Variants in PCDHGA3 observed in about 807,000 individuals in gnomAD.
The protein encoded by PCDHGA3 is protocadherin gamma subfamily A, 3.
In PCDHGA3, 40 loss-of-function variants were observed where a neutral mutation model predicts 58.5. The ratio of observed to expected loss-of-function variants is 0.68; its 90% CI spans 0.53 to 0.89. The LOEUF is 0.89. Ranked by LOEUF, PCDHGA3 falls within the 40% of genes least tolerant of loss-of-function variation. The probability of loss-of-function intolerance (pLI) is 0.00; values close to 1 mark genes in which losing one functional copy is unlikely to be tolerated. For synonymous variants in PCDHGA3, 530 were observed against 525.7 expected, an observed-to-expected ratio of 1.01 and a Z score of -0.11; for missense variants, 1,223 against 1,195.9, an observed-to-expected ratio of 1.02 and a Z score of -0.33.
intron 1 of PCDHGA3, chr5:141,371,743 C>G: frequency 6.2e-7 from 1 of 1,614,054 alleles, no homozygotes; most frequent in South Asian, 1.1e-5. Flanking sequence ...GACAACGTTC[C>G]CGTTTTCCAC....
chr5:141,454,625 C>G (rs1193628253), intron 1 of PCDHGA3, among the ~76,000 whole-genome samples: 1 of 151,512 alleles, frequency 6.6e-6, no homozygotes, highest in Admixed American at 6.6e-5. Context: ...AGGCTGGTCT[C>G]GAACCCCCAA....
intron 1 of PCDHGA3, chr5:141,419,566 C>G: frequency 3.1e-6 from 5 of 1,611,792 alleles, no homozygotes; most frequent in Non-Finnish European, 2.5e-6. Context: ...CGCTGGGTCC[C>G]GACGGCTCCG....
At chr5:141,503,241 A>G (rs1399557839) in intron 2 of PCDHGA3, among the ~76,000 whole-genome samples, 1 of 152,074 alleles carries the variant, frequency 6.6e-6, no homozygotes, top group Non-Finnish European at 1.5e-5. Context: ...GACAGTTTCT[A>G]TCATACTCAC....
At chr5:141,394,434 C>T in intron 1 of PCDHGA3, 1 of 1,614,248 alleles carries the variant, frequency 6.2e-7, no homozygotes, top group South Asian at 1.1e-5. Context: ...CGGGGACCCG[C>T]CCCTCAGCAG....
At chr5:141,422,709 T>A in intron 1 of PCDHGA3, 1 of 1,603,558 alleles carries the variant, frequency 6.2e-7, no homozygotes, top group Admixed American at 1.7e-5. Flanking sequence ...CTCTGACGGA[T>A]GACACTGTCC....
At chr5:141,405,472 T>G in intron 1 of PCDHGA3, 1 of 1,056,196 alleles carries the variant, frequency 9.5e-7, no homozygotes, top group Non-Finnish European at 1.4e-6. Context: ...CAGGCTGGAA[T>G]GCAGTGGTGT....
At chr5:141,415,458 C>G (rs2095871921) in intron 1 of PCDHGA3, 7 of 1,614,204 alleles carry the variant, frequency 4.3e-6, no homozygotes, top group Non-Finnish European at 5.1e-6. Context: ...CCCACGAGGT[C>G]TCTCTCACCG....
intron 1 of PCDHGA3, chr5:141,404,627 G>A: frequency 6.2e-7 from 1 of 1,614,144 alleles, no homozygotes; most frequent in Non-Finnish European, 8.5e-7. Context: ...GAATGACAAT[G>A]CCCCAGAAAT....
At chr5:141,456,815 T>A (rs867637586) in intron 1 of PCDHGA3, among the ~76,000 whole-genome samples, 5 of 151,934 alleles carry the variant, frequency 3.3e-5, no homozygotes, top group Non-Finnish European at 7.4e-5. Flanking sequence ...ATACAAAAAA[T>A]TAGCCATCGT....
At position 141,384,374 on chromosome 5, in the gene PCDHGA3, C is replaced by T; in HGVS notation, c.2424+37917C>T. 3.1e-6 allele frequency: 5 copies of T among 1,613,920 alleles called. No individual in the cohort carries two copies. In the South Asian group the frequency reaches 5.5e-5, roughly 18 times the overall value. ...AATGCCCAGATCACTTATTCCTTGG[C>T]CGAAGACACCATCCAGGGGGCTCCA... is the stretch of plus-strand genomic sequence containing the variant. On this transcript the variant is annotated intron_variant, in intron 1 of 3. Transcript: ENST00000253812.
At position 141,476,051 on chromosome 5, in the gene PCDHGA3, GA is replaced by G; in HGVS notation, c.2425-18753del. On this transcript the variant is annotated intron_variant, in intron 1 of 3. Transcript: ENST00000253812. This position sits in a 1 kb window ranked among gnomAD's most constrained non-coding sequence, Gnocchi z 7.6. ...CCCAGCGCCCAAGCGCTAACCCGCT[GA>G]AAGTTTCTCAGCGAAATCTCAGGGA... 1.3e-6 allele frequency: 2 copies of G among 1,504,270 alleles called. No individual in the cohort carries two copies. The highest frequency in any genetic ancestry group is 1.8e-6 in the Non-Finnish European group (2 of 1,133,694). The allele number at this position is 1,504,270 out of a possible 1,614,324, so 93.2% of individuals were successfully genotyped here.
In PCDHGA3 at chr5:141,364,898, A is replaced by T. The variant is rs201286149; in HGVS notation, c.2424+18441A>T. The T allele has an allele frequency of 1.1e-5, 18 of 1,613,800 alleles. No individual in the cohort carries two copies. In the African/African-American group the frequency reaches 2.1e-4, roughly 19 times the overall value. On this transcript the variant is annotated intron_variant, in intron 1 of 3. Transcript: ENST00000253812. ...TGTGGTAAGCGGAACTGATGGACAA[A>T]AGTATCCGGAGCTGGTGTTGGAACA...
At chr5:141,436,778 G>A (rs2097846346) in intron 1 of PCDHGA3, among the ~76,000 whole-genome samples, 1 of 152,154 alleles carries the variant, frequency 6.6e-6, no homozygotes, top group African/African-American at 2.4e-5. Flanking sequence ...ATTTGTGGAT[G>A]GAAATAAAAC....
intron 1 of PCDHGA3, chr5:141,400,041 G>T (rs1354740714): frequency 1.2e-6 from 2 of 1,613,566 alleles, no homozygotes; most frequent in South Asian, 2.2e-5. Context: ...GCCAGCGCCT[G>T]CTGGTTGCTG....
intron 1 of PCDHGA3, among the ~76,000 whole-genome samples, chr5:141,474,643 CCTTA>C (rs1474125632): frequency 1.3e-5 from 2 of 152,134 alleles, no homozygotes; most frequent in Admixed American, 1.3e-4. Flanking sequence ...TCCTATATAT[CCTTA>C]CTTCTTTTCT....
intron 1 of PCDHGA3, chr5:141,400,133 C>G: frequency 3.7e-6 from 6 of 1,614,066 alleles, no homozygotes; most frequent in Non-Finnish European, 5.1e-6. Flanking sequence ...GAGGTGCTGC[C>G]GGATATCACT....
At chr5:141,370,644 T>G in intron 1 of PCDHGA3, 1 of 1,613,920 alleles carries the variant, frequency 6.2e-7, no homozygotes, top group African/African-American at 1.3e-5. Flanking sequence ...AAATGGGAAC[T>G]TACTTGTGAG....
At chr5:141,426,374 C>G (rs908991939) in intron 1 of PCDHGA3, 2 of 219,094 alleles carry the variant, frequency 9.1e-6, no homozygotes, top group East Asian at 1.0e-4. Flanking sequence ...GGGGCACCCT[C>G]GGAGCAGATC....
chr5:141,364,396 G>A (rs1763298819), intron 1 of PCDHGA3: 4 of 1,604,434 alleles, frequency 2.5e-6, no homozygotes, highest in Non-Finnish European at 3.4e-6. Context: ...TCCTGGGGAC[G>A]CTGTGCGAGC....
Sources: allele counts gnomAD v4.1 joint callset (sites outside exome capture counted in the v4.1 genomes callset), GRCh38; gene constraint gnomAD v4.1.1; non-coding constraint Gnocchi (gnomAD v3.1); transcripts MANE v1.5; gene names NCBI Gene and HGNC (gene_info 2026-07-23, HGNC 2026-07-21).